Variants in BMP6 observed in about 807,000 individuals in gnomAD.
BMP6 encodes bone morphogenetic protein 6, also known as VG-1-R.
In BMP6, 17 loss-of-function variants were observed where a neutral mutation model predicts 54.1. That is an observed-to-expected ratio of 0.31 (90% CI 0.22 to 0.47). The LOEUF is 0.47. BMP6 is among the 20% of genes least tolerant of loss of function. BMP6 has a pLI of 1.00. For synonymous variants in BMP6, 328 were observed against 291.2 expected (o/e 1.13, Z -1.28); for missense variants, 720 against 690.4 (o/e 1.04, Z -0.48).
chr6:7,870,942 T>TCCGA (rs1759514672), intron 4 of BMP6, among the ~76,000 whole-genome samples: 1 of 152,230 alleles, frequency 6.6e-6, no homozygotes, highest in Admixed American at 6.5e-5. Flanking sequence ...CTTGGATCTT[T>TCCGA]AGAGTTCATC....
Position 7,880,089 on chromosome 6 carries a change from T to C in BMP6, c.1380T>C (p.Ile460=). 1 of 1,614,210 alleles carries C rather than the reference T, an allele frequency of 6.2e-7. No individual in the cohort carries two copies. Among genetic ancestry groups the C allele is most frequent in the Non-Finnish European group, 8.5e-7 (1 of 1,180,020 alleles). ...ACATGAATGCAACCAACCACGCGAT[T>C]GTGCAGACCTTGGTGAGCTCTCGGA... ...NAHMNATNHA[I]VQTLVHLMNP... The change falls in exon 6 of 7, where the codon ATT becomes ATC. Residue 460 remains isoleucine, a synonymous_variant. Coordinates refer to ENST00000283147, the MANE Select transcript of BMP6 (RefSeq NM_001718.6).
At chr6:7,814,916 G>A (rs775501573) in intron 1 of BMP6, among the ~76,000 whole-genome samples, 1 of 152,086 alleles carries the variant, frequency 6.6e-6, no homozygotes, top group African/African-American at 2.4e-5. Flanking sequence ...GCAAACCACC[G>A]TGGCACATGT....
At chr6:7,773,243 T>C (rs1284300676) in intron 1 of BMP6, among the ~76,000 whole-genome samples, 2 of 152,206 alleles carry the variant, frequency 1.3e-5, no homozygotes, top group African/African-American at 4.8e-5. Flanking sequence ...TTCATCTCCA[T>C]GTACACACAT....
At chr6:7,813,134 TATATATATATATATAA>T (rs1758463911) in intron 1 of BMP6, among the ~76,000 whole-genome samples, 2 of 85,464 alleles carry the variant, frequency 2.3e-5, no homozygotes, top group African/African-American at 1.0e-4. Context: ...TATATATATA[TATATATATATATATAA>T]AATTAGTGGG....
chr6:7,785,316 C>A lies in BMP6; in HGVS notation c.664+57697C>A, dbSNP rs577895408. ...ATTAATATAGCTGGGAGTGTGGTGGCTAATTTGCTTGTTTCTCTCAATTTC... is the reference window on the plus strand; with the variant it reads ...ATTAATATAGCTGGGAGTGTGGTGGATAATTTGCTTGTTTCTCTCAATTTC... On this transcript the variant is annotated intron_variant, in intron 1 of 6. Transcript: ENST00000283147. 4.6e-5 allele frequency among the ~76,000 whole-genome samples: 7 copies of A among 152,318 alleles called. No homozygotes were observed. In the South Asian group the frequency reaches 1.4e-3, roughly 32 times the overall value.
intron 1 of BMP6, among the ~76,000 whole-genome samples, chr6:7,770,595 C>G (rs188832087): frequency 6.6e-6 from 1 of 152,280 alleles, no homozygotes; most frequent in African/African-American, 2.4e-5. Flanking sequence ...AATTTGACAT[C>G]CCTGTTGATT....
At chr6:7,778,601 C>T (rs916715211) in intron 1 of BMP6, among the ~76,000 whole-genome samples, 9 of 152,182 alleles carry the variant, frequency 5.9e-5, no homozygotes, top group Admixed American at 4.6e-4. Context: ...GTTTCAAAAA[C>T]CGAGGCACAG....
intron 1 of BMP6, among the ~76,000 whole-genome samples, chr6:7,807,207 A>G (rs778487553): frequency 1.3e-5 from 2 of 152,188 alleles, no homozygotes; most frequent in Admixed American, 6.5e-5. Context: ...TCCTTTCGAT[A>G]TACAAAGGGC....
intron 2 of BMP6, among the ~76,000 whole-genome samples, chr6:7,855,630 C>T (rs1409554701): frequency 6.7e-5 from 9 of 134,974 alleles, no homozygotes; most frequent in Non-Finnish European, 1.5e-5. Context: ...GGCACAATCT[C>T]AGCTCACTGC....
intron 4 of BMP6, among the ~76,000 whole-genome samples, chr6:7,869,616 GA>G (rs1333904061): frequency 2.0e-5 from 3 of 152,176 alleles, no homozygotes; most frequent in African/African-American, 7.2e-5. Flanking sequence ...GGACGATTAG[GA>G]TGCCCTGCCC....
chr6:7,775,859 G>A (rs1047425451), intron 1 of BMP6, among the ~76,000 whole-genome samples: 1 of 152,126 alleles, frequency 6.6e-6, no homozygotes, highest in African/African-American at 2.4e-5. Context: ...CTAAACATTT[G>A]GGGTAGCAAC....
intron 1 of BMP6, among the ~76,000 whole-genome samples, chr6:7,727,911 C>T (rs905549623): frequency 1.3e-4 from 19 of 144,938 alleles, no homozygotes; most frequent in South Asian, 2.4e-4. Flanking sequence ...TTTGCGGACT[C>T]CCTGAGCACG....
intron 1 of BMP6, among the ~76,000 whole-genome samples, chr6:7,805,337 GACAC>G (rs1013865994): frequency 6.6e-6 from 1 of 152,196 alleles, no homozygotes; most frequent in Non-Finnish European, 1.5e-5. Context: ...GCTGCACACT[GACAC>G]ACAGGTATGT....
At chr6:7,836,571 G>A (rs1470100361) in intron 1 of BMP6, among the ~76,000 whole-genome samples, 1 of 152,174 alleles carries the variant, frequency 6.6e-6, no homozygotes, top group Non-Finnish European at 1.5e-5. Flanking sequence ...GGGAAGCTGG[G>A]TGAAGGGTGC....
intron 1 of BMP6, among the ~76,000 whole-genome samples, chr6:7,768,475 C>G (rs1314276991): frequency 6.6e-6 from 1 of 152,152 alleles, no homozygotes; most frequent in Non-Finnish European, 1.5e-5. Flanking sequence ...CTGGGTGTTT[C>G]CAGGCCATGG....
At chr6:7,840,648 A>G (rs1758954212) in intron 1 of BMP6, among the ~76,000 whole-genome samples, 2 of 152,074 alleles carry the variant, frequency 1.3e-5, no homozygotes, top group African/African-American at 4.8e-5. Context: ...TTTATTTAGT[A>G]TTAAAAAGAC....
chr6:7,844,395 C>A (rs1759025857), intron 1 of BMP6, among the ~76,000 whole-genome samples: 1 of 148,896 alleles, frequency 6.7e-6, no homozygotes, highest in East Asian at 2.0e-4. Flanking sequence ...TGGCTCTGCT[C>A]TGTTGGTGAT....
intron 4 of BMP6, among the ~76,000 whole-genome samples, chr6:7,876,751 T>C (rs1345155065): frequency 6.6e-6 from 1 of 152,228 alleles, no homozygotes; most frequent in Non-Finnish European, 1.5e-5. Context: ...TTTTCAATGG[T>C]TATGGTTTTT....
intron 1 of BMP6, among the ~76,000 whole-genome samples, chr6:7,759,696 C>CTTTTTCTT (rs1757580684): frequency 1.6e-5 from 1 of 62,152 alleles, no homozygotes; most frequent in Non-Finnish European, 2.5e-5. Flanking sequence ...CTTTCTTCTT[C>CTTTTTCTT]TTTTTTTTTT....
Sources: allele counts gnomAD v4.1 joint callset (sites outside exome capture counted in the v4.1 genomes callset), GRCh38; gene constraint gnomAD v4.1.1; transcripts MANE v1.5; gene names NCBI Gene and HGNC (gene_info 2026-07-23, HGNC 2026-07-21).